Variants in TNIK observed in about 807,000 individuals in gnomAD.
TNIK encodes the protein TRAF2 and NCK interacting kinase.
In TNIK, 49 loss-of-function variants were observed where a neutral mutation model predicts 191.3. That is an observed-to-expected ratio of 0.26 (90% CI 0.20 to 0.32). The LOEUF (loss-of-function observed/expected upper bound fraction) is 0.32, where lower values mean the gene tolerates loss of function less well. Among genes scored for constraint, TNIK ranks in the 10% least tolerant of loss-of-function variants. TNIK has a pLI of 1.00. For synonymous variants in TNIK, 594 were observed against 600.9 expected (o/e 0.99, Z 0.17); for missense variants, 1,155 against 1,702.3 (o/e 0.68, Z 5.66).
intron 18 of TNIK, among the ~76,000 whole-genome samples, chr3:171,118,793 A>G (rs997934805): frequency 1.3e-5 from 2 of 152,164 alleles, no homozygotes; most frequent in Non-Finnish European, 2.9e-5. Context: ...TTAATTCAAG[A>G]TGGATTAAAG....
intron 2 of TNIK, among the ~76,000 whole-genome samples, chr3:171,302,797 A>T (rs949223683): frequency 6.6e-6 from 1 of 152,158 alleles, no homozygotes; most frequent in African/African-American, 2.4e-5. Flanking sequence ...ACCCTCTCTC[A>T]TTGCCCTTTT....
chr3:171,403,571 G>A (rs1472749631), intron 1 of TNIK, among the ~76,000 whole-genome samples: 1 of 142,752 alleles, frequency 7.0e-6, no homozygotes, highest in Non-Finnish European at 1.5e-5. Flanking sequence ...CCGGGATCGT[G>A]CCACTGCACT....
At chr3:171,408,985 C>T (rs1722062093) in intron 1 of TNIK, among the ~76,000 whole-genome samples, 1 of 152,076 alleles carries the variant, frequency 6.6e-6, no homozygotes, top group Admixed American at 6.5e-5. Context: ...CTGTATACTG[C>T]TAACTATAAA....
At chr3:171,284,747 C>T (rs1009248491) in intron 2 of TNIK, among the ~76,000 whole-genome samples, 4 of 152,118 alleles carry the variant, frequency 2.6e-5, no homozygotes, top group Admixed American at 2.6e-4. Flanking sequence ...TTTATTAGCA[C>T]CTAGAGCAAT....
In TNIK at chr3:171,074,058, G is replaced by A. The variant is rs139621148; in HGVS notation, c.3449-2735C>T. Among the ~76,000 whole-genome samples the A allele has an allele frequency of 8.6e-5, 13 of 150,472 alleles. No individual in the cohort carries two copies. In the East Asian group the frequency reaches 2.5e-3, roughly 29 times the overall value. ...TTTTTTTTTTTTTTAAATCAAAAGG[G>A]CACCTGCATTTGTACATTTATTGCA... On this transcript the variant is annotated intron_variant, in intron 28 of 32. Transcript: ENST00000436636.
intron 2 of TNIK, among the ~76,000 whole-genome samples, chr3:171,301,805 G>A (rs1198716883): frequency 2.6e-5 from 4 of 152,178 alleles, no homozygotes; most frequent in African/African-American, 9.7e-5. Flanking sequence ...GTGTTTAAAT[G>A]GCATATTGTA....
Position 171,416,541 on chromosome 3 carries a change from C to T in TNIK, c.57+43466G>A, listed in dbSNP as rs189292423. On this transcript the variant is annotated intron_variant, in intron 1 of 32. Transcript: ENST00000436636. ...AGCTGAATATGGATGGCATAGTTTA[C>T]AAAAGCTTCATCAGCTACATCCATT... Among the ~76,000 whole-genome samples the T allele has an allele frequency of 3.9e-5, 6 of 152,138 alleles. No homozygotes were observed. In the East Asian group the frequency reaches 9.7e-4, roughly 25 times the overall value.
chr3:171,283,517 T>G (rs1044943972), intron 2 of TNIK, among the ~76,000 whole-genome samples: 1 of 152,188 alleles, frequency 6.6e-6, no homozygotes, highest in African/African-American at 2.4e-5. Flanking sequence ...GAGTTCGGTC[T>G]TGCTGACTGC....
At chr3:171,180,868 T>A (rs1228182118) in intron 7 of TNIK, among the ~76,000 whole-genome samples, 1 of 152,238 alleles carries the variant, frequency 6.6e-6, no homozygotes, top group Non-Finnish European at 1.5e-5. Context: ...TTACTTCAGA[T>A]TCCTACTTTG....
chr3:171,189,442 C>T (rs1737760150), intron 6 of TNIK, among the ~76,000 whole-genome samples: 1 of 152,076 alleles, frequency 6.6e-6, no homozygotes. Context: ...TTTGATTACA[C>T]CAAGGCTTCA....
chr3:171,376,062 T>C (rs1018090839), intron 1 of TNIK, among the ~76,000 whole-genome samples: 1 of 152,184 alleles, frequency 6.6e-6, no homozygotes, highest in African/African-American at 2.4e-5. Context: ...TTACGGGCCT[T>C]AAGAAGACCA....
chr3:171,313,710 CAAG>C (rs1380983452), intron 2 of TNIK, among the ~76,000 whole-genome samples: 1 of 152,048 alleles, frequency 6.6e-6, no homozygotes, highest in Non-Finnish European at 1.5e-5. Flanking sequence ...AAAAAACACA[CAAG>C]AAGAGCCAAT....
chr3:171,266,003 A>AG (rs1255496143), intron 2 of TNIK, among the ~76,000 whole-genome samples: 3 of 152,204 alleles, frequency 2.0e-5, no homozygotes, highest in Non-Finnish European at 4.4e-5. Flanking sequence ...GACATGGCCC[A>AG]GCATACTTCC....
At chr3:171,452,878 C>A (rs995578390) in intron 1 of TNIK, among the ~76,000 whole-genome samples, 1 of 151,958 alleles carries the variant, frequency 6.6e-6, no homozygotes, top group African/African-American at 2.4e-5. Context: ...AATAGGAATA[C>A]CTACCCAGGA....
At chr3:171,429,384 G>C (rs1725064750) in intron 1 of TNIK, among the ~76,000 whole-genome samples, 1 of 152,160 alleles carries the variant, frequency 6.6e-6, no homozygotes, top group Non-Finnish European at 1.5e-5. Context: ...ATATTTATTG[G>C]CTCCACATAA....
At chr3:171,113,998 T>TA (rs10576485) in intron 18 of TNIK, among the ~76,000 whole-genome samples, 3,674 of 139,408 alleles carry the variant, frequency 0.026, 95 homozygotes, top group African/African-American at 0.06. Context: ...ACGATTTTGT[T>TA]AAAAAAAAAA....
At chr3:171,114,016 A>G (rs1316551610) in intron 18 of TNIK, among the ~76,000 whole-genome samples, 2 of 140,068 alleles carry the variant, frequency 1.4e-5, no homozygotes, top group African/African-American at 2.5e-5. Context: ...AAAAAAAAAA[A>G]AGCAGCATTC....
At chr3:171,357,341 T>G (rs2108456764) in intron 2 of TNIK, among the ~76,000 whole-genome samples, 1 of 151,718 alleles carries the variant, frequency 6.6e-6, no homozygotes, top group African/African-American at 2.4e-5. Context: ...GGCTGGAGTG[T>G]GCAGTGGCAT....
chr3:171,067,450 CACG>C lies in TNIK; in HGVS notation c.3700-718_3700-716del, dbSNP rs1276467732. ...CTTTGGGAGGCCGAGGCGGGCGGATCACGACGTCAGGAGATCGAGACCATCCTG... is the reference window on the plus strand; with the variant it reads ...CTTTGGGAGGCCGAGGCGGGCGGATCACGTCAGGAGATCGAGACCATCCTG... On this transcript the variant is annotated intron_variant, in intron 30 of 32. Coordinates refer to ENST00000436636, the MANE Select transcript of TNIK (RefSeq NM_015028.4). 2.6e-5 allele frequency among the ~76,000 whole-genome samples: 4 copies of C among 151,950 alleles called. No individual in the cohort carries two copies. In the East Asian group the frequency reaches 7.8e-4, roughly 29 times the overall value.
Sources: gnomAD v4.1 joint callset for allele counts (sites outside exome capture counted in the v4.1 genomes callset) on GRCh38, gnomAD v4.1.1 for gene constraint, MANE v1.5 for transcripts, NCBI Gene and HGNC (gene_info 2026-07-23, HGNC 2026-07-21) for gene names.